BICRAL: variants seen among roughly 807,000 people sequenced by gnomAD.
BICRAL encodes BRD4-interacting chromatin-remodeling complex-associated protein-like.
BICRAL carries 8 observed loss-of-function variants against 91.8 expected under a neutral mutation model. The ratio of observed to expected loss-of-function variants is 0.09; its 90% CI spans 0.05 to 0.16. The LOEUF (loss-of-function observed/expected upper bound fraction) is 0.16, where lower values mean the gene tolerates loss of function less well. Ranked by LOEUF, BICRAL falls within the 10% of genes least tolerant of loss-of-function variation. The probability of loss-of-function intolerance (pLI) is 1.00; values close to 1 mark genes in which losing one functional copy is unlikely to be tolerated. For missense variants in BICRAL, 1,038 were observed against 1,310.9 expected, an observed-to-expected ratio of 0.79 and a Z score of 3.21; for synonymous variants, 445 against 491.1, an observed-to-expected ratio of 0.91 and a Z score of 1.24.
At chr6:42,790,180 G>T (rs1763228561) in intron 1 of BICRAL, among the ~76,000 whole-genome samples, 1 of 152,030 alleles carries the variant, frequency 6.6e-6, no homozygotes, top group South Asian at 2.1e-4. Flanking sequence ...TTGTTTTTGA[G>T]ACAGGTTCTC....
intron 1 of BICRAL, among the ~76,000 whole-genome samples, chr6:42,768,025 A>G (rs953783393): frequency 3.9e-5 from 6 of 152,134 alleles, no homozygotes; most frequent in African/African-American, 1.4e-4. Flanking sequence ...GATGGTTTAG[A>G]GCAGGGAGTG....
intron 1 of BICRAL, among the ~76,000 whole-genome samples, chr6:42,793,528 A>G (rs1007005055): frequency 6.6e-6 from 1 of 151,052 alleles, no homozygotes; most frequent in Non-Finnish European, 1.5e-5. Flanking sequence ...ACTTCAAGTG[A>G]TCCACCAGCC....
chr6:42,767,039 C>CAA (rs575028938), intron 1 of BICRAL, among the ~76,000 whole-genome samples: 16 of 91,192 alleles, frequency 1.8e-4, no homozygotes, highest in Non-Finnish European at 1.8e-4. Flanking sequence ...GACTCCATCT[C>CAA]AAAAAAAAAA....
intron 1 of BICRAL, among the ~76,000 whole-genome samples, chr6:42,805,658 C>A (rs1485923568): frequency 6.6e-6 from 1 of 152,064 alleles, no homozygotes; most frequent in East Asian, 1.9e-4. Context: ...CAAACCTCTG[C>A]CCTGATGGAG....
chr6:42,785,136 C>T (rs1039452305), intron 1 of BICRAL, among the ~76,000 whole-genome samples: 3 of 152,058 alleles, frequency 2.0e-5, no homozygotes, highest in Admixed American at 6.6e-5. Context: ...GTTTAGGTAT[C>T]CTAAGACTTT....
chr6:42,852,200 C>T lies in BICRAL; in HGVS notation c.1945+3C>T. On this transcript the variant is annotated splice_donor_region_variant and intron_variant, in intron 7 of 12. Coordinates refer to ENST00000314073, the MANE Select transcript of BICRAL (RefSeq NM_001393499.1). Reference sequence around the variant, plus strand: ...GCTCTTGAGCACCACACTGCCAGGTCAGGAGCTTCCTCAGTTTGTCCCTGT... The same window carrying T: ...GCTCTTGAGCACCACACTGCCAGGTTAGGAGCTTCCTCAGTTTGTCCCTGT... 6.4e-7 allele frequency: 1 copy of T among 1,570,678 alleles called. No homozygotes were observed. Among genetic ancestry groups the T allele is most frequent in the Non-Finnish European group, 8.8e-7 (1 of 1,140,396 alleles).
At chr6:42,823,345 C>T (rs914072463) in intron 5 of BICRAL, among the ~76,000 whole-genome samples, 1 of 152,146 alleles carries the variant, frequency 6.6e-6, no homozygotes, top group Non-Finnish European at 1.5e-5. Context: ...TGGTCTTGAA[C>T]TCTCAGGCTC....
At chr6:42,782,025 C>CCCGCCGCCGCCGCCG (rs775975045), upstream of BICRAL, 1 of 147,240 alleles carries the variant, frequency 6.8e-6, no homozygotes, top group Admixed American at 6.8e-5. Context: ...CGGCCCCGCG[C>CCCGCCGCCGCCGCCG]CCGCCGCCGC....
chr6:42,852,991 G>A (rs1253559138), intron 7 of BICRAL, among the ~76,000 whole-genome samples: 5 of 151,138 alleles, frequency 3.3e-5, no homozygotes, highest in South Asian at 2.1e-4. Context: ...CCTGAGCCTG[G>A]GAGGTCGAGG....
chr6:42,828,904 C>A lies in BICRAL; in HGVS notation c.571C>A (p.His191Asn). The change falls in exon 6 of 13, where the codon CAT (histidine) becomes AAT (asparagine). Residue 191 changes from histidine to asparagine, a missense_variant. Around this residue, in one of 5 missense-constraint regions of BICRAL, gnomAD observed 532 missense variants for 724.9 expected, o/e 0.73. Transcript: ENST00000314073. Reference protein sequence around the residue: ...TVGVQHGFMQHVGISVPSQHL... With the variant: ...TVGVQHGFMQNVGISVPSQHL... ...GGGTGTACAACATGGCTTTATGCAACATGTGGGGATCAGTGTTCCCAGCCA... is the reference window on the plus strand; with the variant it reads ...GGGTGTACAACATGGCTTTATGCAAAATGTGGGGATCAGTGTTCCCAGCCA... 1.2e-6 allele frequency: 2 copies of A among 1,614,082 alleles called. No homozygotes were observed. The highest frequency in any genetic ancestry group is 1.7e-6 in the Non-Finnish European group (2 of 1,179,936).
chr6:42,770,348 C>G (rs942406159), intron 1 of BICRAL, among the ~76,000 whole-genome samples: 5 of 151,980 alleles, frequency 3.3e-5, no homozygotes, highest in Non-Finnish European at 7.4e-5. Context: ...CATGCCTCAG[C>G]TTCCCGAGTA....
At chr6:42,864,601 C>G in intron 12 of BICRAL, 58 bp from the exon 13 acceptor site, 1 of 1,425,760 alleles carries the variant, frequency 7.0e-7, no homozygotes, top group South Asian at 1.3e-5. Context: ...TGAAGTTCTG[C>G]TGTATAGTCT....
chr6:42,853,543 T>A, intron 7 of BICRAL, 95 bp from the exon 8 acceptor site: 1 of 831,588 alleles, frequency 1.2e-6, no homozygotes, highest in Non-Finnish European at 2.0e-6. Context: ...CGTTTCAGAA[T>A]GCTCAACAGT....
chr6:42,801,056 C>T (rs539431453), intron 1 of BICRAL, among the ~76,000 whole-genome samples: 129 of 151,986 alleles, frequency 8.5e-4, no homozygotes, highest in Non-Finnish European at 1.6e-3. Flanking sequence ...AGTTTGAGAC[C>T]AGCCTGGCCA....
chr6:42,764,441 A>G (rs1381746830), intron 1 of BICRAL, among the ~76,000 whole-genome samples: 1 of 150,954 alleles, frequency 6.6e-6, no homozygotes, highest in Non-Finnish European at 1.5e-5. Context: ...AGTCCCAGCT[A>G]CTCCAGAGGC....
chr6:42,759,952 A>G (rs114072705), intron 1 of BICRAL, among the ~76,000 whole-genome samples: 1 of 152,076 alleles, frequency 6.6e-6, no homozygotes, highest in East Asian at 1.9e-4. Flanking sequence ...CTTGTTAAAG[A>G]GATGATTTAT....
chr6:42,857,422 T>A (rs1765403352), intron 10 of BICRAL, among the ~76,000 whole-genome samples, 186 bp downstream of exon 10: 2 of 151,706 alleles, frequency 1.3e-5, no homozygotes, highest in Non-Finnish European at 2.9e-5. Flanking sequence ...CTTACACTTC[T>A]CAGTATTTTT....
intron 3 of BICRAL, among the ~76,000 whole-genome samples, chr6:42,822,550 G>A (rs1328743371): frequency 2.0e-5 from 3 of 150,656 alleles, no homozygotes; most frequent in Non-Finnish European, 4.4e-5. Flanking sequence ...TGCTCAGCAA[G>A]TAATTATTTA....
chr6:42,850,056 T>C (rs1265735517), intron 6 of BICRAL, among the ~76,000 whole-genome samples: 1 of 151,468 alleles, frequency 6.6e-6, no homozygotes, highest in Admixed American at 6.6e-5. Context: ...ATAAAATAAA[T>C]AAATAAATAA....
Sources: allele counts gnomAD v4.1 joint callset (sites outside exome capture counted in the v4.1 genomes callset), GRCh38; gene constraint gnomAD v4.1.1; regional missense constraint gnomAD v4.1.1; transcripts MANE v1.5; gene names NCBI Gene and HGNC (gene_info 2026-07-23, HGNC 2026-07-21).